TPH2: variants seen among roughly 807,000 people sequenced by gnomAD.
TPH2 encodes tryptophan 5-hydroxylase 2.
Under a neutral mutation model 59.1 loss-of-function variants are expected in TPH2, and 27 were observed. The observed-to-expected ratio is 0.46, with a 90% confidence interval of 0.34 to 0.63. The LOEUF (loss-of-function observed/expected upper bound fraction) is 0.63, where lower values mean the gene tolerates loss of function less well. Ranked by LOEUF, TPH2 falls within the 30% of genes least tolerant of loss-of-function variation. The pLI is 0.01. For synonymous variants in TPH2, 220 were observed against 210.5 expected (o/e 1.05, Z -0.39); for missense variants, 523 against 588.3 (o/e 0.89, Z 1.15).
At chr12:72,004,461 T>A (rs911382567) in intron 8 of TPH2, among the ~76,000 whole-genome samples, 2 of 139,176 alleles carry the variant, frequency 1.4e-5, no homozygotes, top group African/African-American at 5.1e-5. Flanking sequence ...GGATATCTAA[T>A]TTTAAAGTCA....
chr12:71,943,732 G>T lies in TPH2; in HGVS notation c.256-562G>T, dbSNP rs75552548. On this transcript the variant is annotated intron_variant, in intron 2 of 10. Transcript: ENST00000333850. Reference sequence around the variant, plus strand: ...TCCTAATTCTTTTTGTACCATATGGGTTACAGTTTGGCTAGTGTTTCCCAA... The same window carrying T: ...TCCTAATTCTTTTTGTACCATATGGTTTACAGTTTGGCTAGTGTTTCCCAA... 3.3e-3 allele frequency among the ~76,000 whole-genome samples: 506 copies of T among 151,582 alleles called. 2 individuals are homozygous for T. The highest frequency in any genetic ancestry group is 0.011 in the African/African-American group (468 of 41,292).
At chr12:71,998,179 C>A (rs1229053359) in intron 8 of TPH2, among the ~76,000 whole-genome samples, 2 of 152,138 alleles carry the variant, frequency 1.3e-5, no homozygotes, top group African/African-American at 4.8e-5. Flanking sequence ...CTGATTCACT[C>A]ATTTCTCTTT....
chr12:72,001,682 T>C (rs1300403098), intron 8 of TPH2, among the ~76,000 whole-genome samples: 3 of 152,128 alleles, frequency 2.0e-5, no homozygotes, highest in African/African-American at 7.2e-5. Flanking sequence ...CCTCCCAAAG[T>C]GCTGGGATTA....
intron 5 of TPH2, among the ~76,000 whole-genome samples, chr12:71,949,944 A>G (rs888525148): frequency 1.3e-5 from 2 of 151,896 alleles, no homozygotes; most frequent in African/African-American, 4.8e-5. Flanking sequence ...GGCCTTAGAA[A>G]CTGTGTTTTA....
intron 5 of TPH2, among the ~76,000 whole-genome samples, chr12:71,970,509 T>G (rs544498370): frequency 4.5e-4 from 68 of 152,374 alleles, no homozygotes; most frequent in South Asian, 3.3e-3. Flanking sequence ...CTAACGATTC[T>G]TCTCAAGTGG....
intron 5 of TPH2, among the ~76,000 whole-genome samples, chr12:71,952,423 C>T (rs1289912255): frequency 1.3e-5 from 2 of 151,916 alleles, no homozygotes; most frequent in Non-Finnish European, 2.9e-5. Flanking sequence ...TTCAGGAAGC[C>T]AAGAGAGCCA....
chr12:71,987,057 T>C (rs1324460293), intron 7 of TPH2, among the ~76,000 whole-genome samples: 4 of 152,206 alleles, frequency 2.6e-5, no homozygotes, highest in Non-Finnish European at 5.9e-5. Flanking sequence ...TCTGTTTGTC[T>C]GGCATCATCC....
At chr12:71,952,576 T>C (rs1871379510) in intron 5 of TPH2, among the ~76,000 whole-genome samples, 1 of 151,892 alleles carries the variant, frequency 6.6e-6, no homozygotes. Context: ...AAGCAAAGGG[T>C]ATTTACCTAA....
chr12:71,995,071 G>A (rs889429643), intron 8 of TPH2, among the ~76,000 whole-genome samples: 1 of 152,188 alleles, frequency 6.6e-6, no homozygotes, highest in African/African-American at 2.4e-5. Context: ...ATTATTCTAG[G>A]TGGTTGTAGT....
intron 8 of TPH2, among the ~76,000 whole-genome samples, chr12:72,002,430 TG>T (rs889217737): frequency 5.9e-5 from 9 of 152,106 alleles, no homozygotes; most frequent in African/African-American, 2.2e-4. Flanking sequence ...AATTAGAAAT[TG>T]GTTTTTTATC....
chr12:72,031,726 CT>C lies in TPH2; in HGVS notation c.*36del. 4 of 1,612,536 alleles carry C rather than the reference CT, an allele frequency of 2.5e-6. No homozygotes were observed. The East Asian group carries it at 8.9e-5, about 36-fold the overall frequency. On this transcript the variant is annotated 3_prime_UTR_variant, in exon 11 of 11. Transcript: ENST00000333850. ...GGAACTATGTTGTTGCCAGCATGAT[CT>C]TTTTGGGGCTTAGCAGCAGTTCAGT...
At chr12:72,000,663 C>T (rs1351391202) in intron 8 of TPH2, among the ~76,000 whole-genome samples, 5 of 152,132 alleles carry the variant, frequency 3.3e-5, no homozygotes, top group Non-Finnish European at 5.9e-5. Context: ...CCATATTTTG[C>T]CTGCTTTTCT....
chr12:71,939,863 T>C (rs932794569), intron 1 of TPH2, among the ~76,000 whole-genome samples: 23 of 152,198 alleles, frequency 1.5e-4, no homozygotes, highest in Non-Finnish European at 2.5e-4. Context: ...TATTAAATGG[T>C]ATTTTATTAC....
At chr12:72,028,873 T>C (rs965264154) in intron 9 of TPH2, among the ~76,000 whole-genome samples, 1 of 152,324 alleles carries the variant, frequency 6.6e-6, no homozygotes, top group African/African-American at 2.4e-5. Flanking sequence ...TCTATATTCC[T>C]AATGGCCTGC....
intron 5 of TPH2, among the ~76,000 whole-genome samples, chr12:71,968,556 G>A (rs1279888178): frequency 6.6e-6 from 1 of 152,222 alleles, no homozygotes; most frequent in Non-Finnish European, 1.5e-5. Flanking sequence ...TGAAGTGGTG[G>A]CAGCACCTGG....
intron 7 of TPH2, among the ~76,000 whole-genome samples, chr12:71,986,491 A>T (rs201774446): frequency 6.6e-6 from 1 of 152,198 alleles, no homozygotes; most frequent in Admixed American, 6.5e-5. Context: ...TTCCATTTTT[A>T]AAAAATCATA....
chr12:71,985,574 T>G (rs1017913430), intron 7 of TPH2, among the ~76,000 whole-genome samples: 4 of 152,070 alleles, frequency 2.6e-5, no homozygotes, highest in African/African-American at 9.7e-5. Flanking sequence ...AATTTTTGTA[T>G]TTTTAGTATA....
At chr12:72,017,390 T>C (rs1260573414) in intron 8 of TPH2, among the ~76,000 whole-genome samples, 2 of 152,248 alleles carry the variant, frequency 1.3e-5, no homozygotes, top group African/African-American at 4.8e-5. Context: ...ATGCCTCTGC[T>C]ATTCTTCCAT....
chr12:71,980,068 G>A (rs1481304254), intron 7 of TPH2, among the ~76,000 whole-genome samples: 1 of 152,100 alleles, frequency 6.6e-6, no homozygotes, highest in Non-Finnish European at 1.5e-5. Context: ...GAGAGTCCTG[G>A]GTGCTGTTTT....
Sources: allele counts gnomAD v4.1 joint callset (sites outside exome capture counted in the v4.1 genomes callset), GRCh38; gene constraint gnomAD v4.1.1; transcripts MANE v1.5; gene names NCBI Gene and HGNC (gene_info 2026-07-23, HGNC 2026-07-21).